SLC30A10: variants seen among roughly 807,000 people sequenced by gnomAD.
SLC30A10 encodes the protein solute carrier family 30 member 10.
A neutral mutation model predicts 21.7 loss-of-function variants in SLC30A10; 8 were observed. The observed-to-expected ratio is 0.37, with a 90% confidence interval of 0.22 to 0.67. The LOEUF is 0.67. SLC30A10 is among the 30% of genes least tolerant of loss of function. The probability of loss-of-function intolerance (pLI) is 0.58; values close to 1 mark genes in which losing one functional copy is unlikely to be tolerated. For synonymous variants in SLC30A10, 272 were observed against 279.4 expected (o/e 0.97, Z 0.26); for missense variants, 521 against 642.5 (o/e 0.81, Z 2.04).
intron 1 of SLC30A10, among the ~76,000 whole-genome samples, chr1:219,945,264 C>T (rs2102544393): frequency 6.6e-6 from 1 of 152,240 alleles, no homozygotes; most frequent in Admixed American, 6.5e-5. Flanking sequence ...TACAGAACTA[C>T]ACTTGTGACA....
intron 1 of SLC30A10, among the ~76,000 whole-genome samples, chr1:219,938,518 G>A (rs557731811): frequency 6.6e-6 from 1 of 152,222 alleles, no homozygotes; most frequent in South Asian, 2.1e-4. Flanking sequence ...CATGAGAGAA[G>A]CTAACTGGGG....
At chr1:219,922,533 G>C (rs1042268497) in intron 2 of SLC30A10, among the ~76,000 whole-genome samples, 2 of 151,960 alleles carry the variant, frequency 1.3e-5, no homozygotes, top group Non-Finnish European at 2.9e-5. Context: ...CGTGCTCGTG[G>C]GGCAACGCTG....
intron 3 of SLC30A10, among the ~76,000 whole-genome samples, chr1:219,917,708 C>CTTTTTTTTTTTTTTTTTT (rs35106027): frequency 2.9e-5 from 3 of 104,106 alleles, no homozygotes; most frequent in African/African-American, 4.1e-5. Context: ...TTTTTCTTTC[C>CTTTTTTTTTTTTTTTTTT]TTTTTTTTTT....
At chr1:219,950,046 A>T (rs1660247040) in intron 1 of SLC30A10, among the ~76,000 whole-genome samples, 1 of 152,224 alleles carries the variant, frequency 6.6e-6, no homozygotes, top group Non-Finnish European at 1.5e-5. Context: ...ACTGCAGGAA[A>T]ATATTCAAGA....
At chr1:219,954,886 C>G (rs1391565) in intron 1 of SLC30A10, among the ~76,000 whole-genome samples, 44,165 of 151,720 alleles carry the variant, frequency 0.29, 6,488 homozygotes, top group East Asian at 0.37. Context: ...TGTACAAGGT[C>G]ACCTTTAGGT....
intron 1 of SLC30A10, among the ~76,000 whole-genome samples, chr1:219,946,934 C>A (rs754027765): frequency 8.5e-5 from 13 of 152,146 alleles, no homozygotes; most frequent in African/African-American, 1.2e-4. Context: ...CCCCAAAAGT[C>A]CCAACAATGT....
In SLC30A10 at chr1:219,917,708, C is replaced by CTTTTTTT. The variant is rs35106027; in HGVS notation, c.958+540_958+546dup. 2.6e-3 allele frequency among the ~76,000 whole-genome samples: 270 copies of CTTTTTTT among 104,064 alleles called. 4 individuals carry two copies. Among genetic ancestry groups the CTTTTTTT allele is most frequent in the African/African-American group, 5.8e-3 (142 of 24,532 alleles). The allele number at this position is 104,064 out of a possible 152,430, so 68.3% of individuals were successfully genotyped here. A position where few individuals can be genotyped will look rare whatever the true frequency, so the allele number is the denominator to read the frequency against. On this transcript the variant is annotated intron_variant, in intron 3 of 3. Transcript: ENST00000366926. ...TGCATTCTTTTCTTTTTTTTCTTTC[C>CTTTTTTT]TTTTTTTTTTTTTTTTTTTTGAGTC... is the stretch of plus-strand genomic sequence containing the variant.
intron 1 of SLC30A10, among the ~76,000 whole-genome samples, chr1:219,948,777 T>A (rs1660225533): frequency 6.6e-6 from 1 of 151,918 alleles, no homozygotes; most frequent in African/African-American, 2.4e-5. Context: ...CTAATTAAAC[T>A]AAAGAGCTTC....
chr1:219,921,969 G>GA (rs1288073631), intron 2 of SLC30A10, among the ~76,000 whole-genome samples: 2 of 150,238 alleles, frequency 1.3e-5, no homozygotes, highest in African/African-American at 2.4e-5. Context: ...CAGAGAGAGA[G>GA]AAAAAATGGG....
intron 1 of SLC30A10, among the ~76,000 whole-genome samples, chr1:219,945,261 C>G (rs1660171810): frequency 6.6e-6 from 1 of 152,064 alleles, no homozygotes; most frequent in Non-Finnish European, 1.5e-5. Flanking sequence ...TTATACAGAA[C>G]TACACTTGTG....
chr1:219,939,519 C>T (rs578195705), intron 1 of SLC30A10, among the ~76,000 whole-genome samples: 4 of 152,178 alleles, frequency 2.6e-5, no homozygotes, highest in South Asian at 2.1e-4. Flanking sequence ...ACCTCCACCC[C>T]CCCAGGTTCA....
chr1:219,921,907 A>AAGAGAGAG (rs1218617156), intron 2 of SLC30A10, among the ~76,000 whole-genome samples: 30 of 66,038 alleles, frequency 4.5e-4, no homozygotes, highest in Admixed American at 2.3e-3. Context: ...GTGTGTGTGA[A>AAGAGAGAG]AGAGAGAGAG....
rs1694583 is a variant in SLC30A10 at position 219,919,824 on chromosome 1, T to C, written c.719-1330A>G. Among the ~76,000 whole-genome samples, 1,485 of 150,894 alleles carry C rather than the reference T, an allele frequency of 9.8e-3. 22 individuals carry two copies. Among genetic ancestry groups the C allele is most frequent in the African/African-American group, 0.032 (1,337 of 41,170 alleles). On this transcript the variant is annotated intron_variant, in intron 2 of 3. Coordinates refer to ENST00000366926, the MANE Select transcript of SLC30A10 (RefSeq NM_018713.3). ...CAGATGATTGGAATGCACATACAAG[T>C]TTCCAAAGCACTGCTCTAGAAGAAA... is the stretch of plus-strand genomic sequence containing the variant.
chr1:219,955,255 TTTTG>T (rs2102548634), intron 1 of SLC30A10, among the ~76,000 whole-genome samples: 1 of 152,290 alleles, frequency 6.6e-6, no homozygotes, highest in African/African-American at 2.4e-5. Flanking sequence ...TTTAACCCTA[TTTTG>T]TTTGTTTGTC....
chr1:219,958,879 T>C (rs1462705373), upstream of SLC30A10, among the ~76,000 whole-genome samples: 2 of 152,110 alleles, frequency 1.3e-5, no homozygotes, highest in Admixed American at 6.5e-5. Flanking sequence ...GGACACAAAG[T>C]GGGAAAGGAC....
At chr1:219,934,224 C>T (rs1660010806) in intron 1 of SLC30A10, among the ~76,000 whole-genome samples, 1 of 151,952 alleles carries the variant, frequency 6.6e-6, no homozygotes, top group Non-Finnish European at 1.5e-5. Context: ...GGAGGCGGAG[C>T]TGGCAGTGAG....
chr1:219,930,379 G>A (rs937575037), upstream of SLC30A10, among the ~76,000 whole-genome samples: 2 of 152,164 alleles, frequency 1.3e-5, no homozygotes, highest in Middle Eastern at 3.4e-3. Flanking sequence ...AGGCTAAAGT[G>A]GGAGGAAGGC....
intron 1 of SLC30A10, 46 bp from the exon 2 acceptor site, chr1:219,927,151 C>T: frequency 1.9e-6 from 3 of 1,588,776 alleles, no homozygotes; most frequent in Non-Finnish European, 2.6e-6. Flanking sequence ...GTTCTACAAA[C>T]AAACAAAAAA....
upstream of SLC30A10, among the ~76,000 whole-genome samples, chr1:219,932,694 G>C (rs529589107): frequency 4.5e-3 from 623 of 137,972 alleles, 6 homozygotes; most frequent in Admixed American, 9.4e-3. Flanking sequence ...TTCTTGACTT[G>C]AGTAACCATT....
Sources: gnomAD v4.1 joint callset for allele counts (sites outside exome capture counted in the v4.1 genomes callset) on GRCh38, gnomAD v4.1.1 for gene constraint, MANE v1.5 for transcripts, NCBI Gene and HGNC (gene_info 2026-07-23, HGNC 2026-07-21) for gene names.